The following ATXN1 variants were observed in gnomAD, a reference collection of about 807,000 sequenced individuals.
ATXN1 encodes ataxin 1.
ATXN1 carries 8 observed loss-of-function variants against 56.4 expected under a neutral mutation model. The observed-to-expected ratio is 0.14, with a 90% CI of 0.08 to 0.26. The LOEUF is 0.26. Ranked by LOEUF, ATXN1 falls within the 10% of genes least tolerant of loss-of-function variation. The pLI, the probability that ATXN1 is intolerant of heterozygous loss-of-function variation, is 1.00. For synonymous variants in ATXN1, 514 were observed against 494.6 expected (o/e 1.04, Z -0.52); for missense variants, 987 against 1,106.5 (o/e 0.89, Z 1.53).
At position 16,665,747 on chromosome 6, in the gene ATXN1, T is replaced by C. The variant is rs1671273366; in HGVS notation, c.-614-7846A>G. ...AACCCATGTGGTCAAGAACATGAGA[T>C]AAACCATGAGGGCACCAGAGGGAAG... On this transcript the variant is annotated intron_variant, in intron 2 of 7. Transcript: ENST00000436367. 2.6e-5 allele frequency among the ~76,000 whole-genome samples: 4 copies of C among 152,198 alleles called. No homozygotes were observed. In the South Asian group the frequency reaches 8.3e-4, roughly 32 times the overall value.
At chr6:16,471,226 C>A (rs1760211004) in intron 6 of ATXN1, among the ~76,000 whole-genome samples, 1 of 140,028 alleles carries the variant, frequency 7.1e-6, no homozygotes, top group Non-Finnish European at 1.5e-5. Flanking sequence ...ACACACAATT[C>A]AAAACTTGAA....
At chr6:16,406,929 T>C (rs769918562) in intron 6 of ATXN1, among the ~76,000 whole-genome samples, 3 of 152,258 alleles carry the variant, frequency 2.0e-5, no homozygotes, top group Non-Finnish European at 4.4e-5. Context: ...TTGTTCCGTG[T>C]ACTCTTGTGG....
At chr6:16,612,751 C>A (rs1293615769) in intron 3 of ATXN1, among the ~76,000 whole-genome samples, 2 of 151,722 alleles carry the variant, frequency 1.3e-5, no homozygotes, top group Non-Finnish European at 2.9e-5. Flanking sequence ...ATTAGCTGGG[C>A]ATGGTGGCAC....
intron 6 of ATXN1, among the ~76,000 whole-genome samples, chr6:16,452,901 A>G (rs1420298300): frequency 3.3e-5 from 5 of 152,250 alleles, no homozygotes; most frequent in Non-Finnish European, 7.3e-5. Flanking sequence ...ATGAAAGTTT[A>G]GCGTAAACCT....
At chr6:16,621,837 A>C (rs1763325814) in intron 3 of ATXN1, among the ~76,000 whole-genome samples, 1 of 152,230 alleles carries the variant, frequency 6.6e-6, no homozygotes, top group Non-Finnish European at 1.5e-5. Context: ...TAGGCAGAAA[A>C]GTGGAGTAGT....
chr6:16,376,321 T>G (rs181845735), intron 6 of ATXN1, among the ~76,000 whole-genome samples: 1 of 152,364 alleles, frequency 6.6e-6, no homozygotes, highest in East Asian at 1.9e-4. Context: ...AAATCCTTTC[T>G]TTGTACCCAC....
At chr6:16,657,692 TGAA>T (rs1241582349) in intron 3 of ATXN1, 81 bp downstream of exon 3, 2 of 152,228 alleles carry the variant, frequency 1.3e-5, no homozygotes, top group African/African-American at 4.8e-5. Context: ...GCAATACGCT[TGAA>T]GAAGAAGTTC....
intron 6 of ATXN1, among the ~76,000 whole-genome samples, chr6:16,460,930 T>C (rs534168370): frequency 6.6e-5 from 10 of 152,370 alleles, no homozygotes; most frequent in South Asian, 6.2e-4. Context: ...TATCTAATCC[T>C]ACATGCCCAT....
chr6:16,603,940 C>T (rs1159480265), intron 3 of ATXN1, among the ~76,000 whole-genome samples: 1 of 152,078 alleles, frequency 6.6e-6, no homozygotes, highest in Non-Finnish European at 1.5e-5. Context: ...GGGACCGAGT[C>T]CTATGAGTTC....
rs146407742 is a variant in ATXN1 at position 16,515,589 on chromosome 6, C to T, written c.-299+7038G>A. Among the ~76,000 whole-genome samples the T allele has an allele frequency of 2.6e-5, 4 of 152,314 alleles. No individual in the cohort carries two copies. In the East Asian group the frequency reaches 5.8e-4, roughly 22 times the overall value. ...TGGTCTGACACATGTGGTGTGACCC[C>T]TATCTCCCTGTCCAAGGCAGTCTCC... On this transcript the variant is annotated intron_variant, in intron 5 of 7. Coordinates refer to ENST00000436367, the MANE Select transcript of ATXN1 (RefSeq NM_001128164.2).
intron 6 of ATXN1, among the ~76,000 whole-genome samples, chr6:16,440,488 G>A (rs1160539918): frequency 2.0e-5 from 3 of 150,100 alleles, no homozygotes; most frequent in African/African-American, 7.4e-5. Context: ...AAATAAGAAG[G>A]AACACAAGAG....
At chr6:16,595,606 G>A (rs532289830) in intron 3 of ATXN1, among the ~76,000 whole-genome samples, 4 of 152,216 alleles carry the variant, frequency 2.6e-5, no homozygotes, top group African/African-American at 7.2e-5. Context: ...CAGTCAGTGT[G>A]TTCTTTCTCC....
intron 5 of ATXN1, among the ~76,000 whole-genome samples, chr6:16,515,134 CTT>C (rs745702613): frequency 3.3e-5 from 5 of 152,096 alleles, no homozygotes; most frequent in Non-Finnish European, 7.4e-5. Context: ...TTGTTCAACT[CTT>C]TCTTTGTAGT....
intron 7 of ATXN1, among the ~76,000 whole-genome samples, chr6:16,317,921 A>T (rs2113392572): frequency 6.6e-6 from 1 of 152,344 alleles, no homozygotes; most frequent in East Asian, 1.9e-4. Flanking sequence ...TTCTGGGCTC[A>T]TAATTATTTT....
chr6:16,313,593 G>A (rs1048250273), intron 7 of ATXN1, among the ~76,000 whole-genome samples: 1 of 149,288 alleles, frequency 6.7e-6, no homozygotes, highest in Non-Finnish European at 1.5e-5. Context: ...GTCTCGCTCT[G>A]TCACCCAGGT....
At chr6:16,572,593 A>T (rs1762352130) in intron 4 of ATXN1, among the ~76,000 whole-genome samples, 1 of 152,174 alleles carries the variant, frequency 6.6e-6, no homozygotes, top group Admixed American at 6.5e-5. Context: ...TCGTGAAATA[A>T]GTGATGAAAA....
At chr6:16,652,452 T>C (rs1243442367) in intron 3 of ATXN1, among the ~76,000 whole-genome samples, 7 of 152,198 alleles carry the variant, frequency 4.6e-5, no homozygotes, top group Admixed American at 3.3e-4. Flanking sequence ...TTTCCTACCA[T>C]GGATGGTTAC....
intron 1 of ATXN1, among the ~76,000 whole-genome samples, chr6:16,756,971 T>C (rs1173307305): frequency 6.6e-6 from 1 of 152,204 alleles, no homozygotes; most frequent in African/African-American, 2.4e-5. Flanking sequence ...AGGCACAACA[T>C]TATTCAAAGA....
chr6:16,651,409 T>C (rs548980417), intron 3 of ATXN1, among the ~76,000 whole-genome samples: 34 of 152,118 alleles, frequency 2.2e-4, no homozygotes, highest in Admixed American at 1.4e-3. Flanking sequence ...CCAGGTGTGG[T>C]GGTGCGCACC....
Sources: allele counts gnomAD v4.1 joint callset (sites outside exome capture counted in the v4.1 genomes callset), GRCh38; gene constraint gnomAD v4.1.1; transcripts MANE v1.5; gene names NCBI Gene and HGNC (gene_info 2026-07-23, HGNC 2026-07-21).